PVT1: variants seen among roughly 807,000 people sequenced by gnomAD.
PVT1 encodes CXCR4/PVT1 fusion.
intron 3 of PVT1, among the ~76,000 whole-genome samples, chr8:127,988,557 T>C (rs1452226590): frequency 6.6e-6 from 1 of 152,210 alleles, no homozygotes; most frequent in Non-Finnish European, 1.5e-5. Context: ...ATCTTGATGA[T>C]CAGTTAAGAT....
In PVT1 at chr8:128,005,250, TTTG is replaced by T. The variant is rs142494764; in HGVS notation, n.912+15962_912+15964del. Among the ~76,000 whole-genome samples, 380 of 152,336 alleles carry T rather than the reference TTTG, an allele frequency of 2.5e-3. 1 individual carries two copies. Among genetic ancestry groups the T allele is most frequent in the African/African-American group, 9.0e-3 (374 of 41,570 alleles). ...TCTTAGACCAAGCTTGTGAGATTTTTTTGTTATTTGTTTTTGAAGCTCATCAGC... is the reference window on the plus strand; with the variant it reads ...TCTTAGACCAAGCTTGTGAGATTTTTTTATTTGTTTTTGAAGCTCATCAGC... On this transcript the variant is annotated intron_variant and non_coding_transcript_variant, in intron 4 of 10. Transcript: ENST00000651587.
chr8:128,059,814 C>T (rs926176020), intron 4 of PVT1, among the ~76,000 whole-genome samples: 3 of 152,164 alleles, frequency 2.0e-5, no homozygotes, highest in African/African-American at 4.8e-5. Flanking sequence ...CTACCTGAAG[C>T]CACATGCAGC....
At chr8:128,022,884 T>A (rs1032614859) in intron 4 of PVT1, among the ~76,000 whole-genome samples, 2 of 144,482 alleles carry the variant, frequency 1.4e-5, no homozygotes, top group Admixed American at 1.3e-4. Context: ...TTTTTTTTTT[T>A]AAGACAGAGT....
chr8:127,895,715 T>A (rs4733804), intron 3 of PVT1, among the ~76,000 whole-genome samples: 1 of 152,034 alleles, frequency 6.6e-6, no homozygotes, highest in South Asian at 2.1e-4. Flanking sequence ...TACGTTTAGC[T>A]CTGAGCTTCC....
chr8:128,051,049 C>T (rs981360245), intron 4 of PVT1, among the ~76,000 whole-genome samples: 27 of 152,202 alleles, frequency 1.8e-4, no homozygotes, highest in African/African-American at 6.3e-4. Context: ...AGCTTGAGCA[C>T]TGGAACCATT....
intron 3 of PVT1, among the ~76,000 whole-genome samples, chr8:127,911,759 T>C (rs1815901187): frequency 6.6e-6 from 1 of 152,236 alleles, no homozygotes; most frequent in Non-Finnish European, 1.5e-5. Context: ...ATTTGCTTCT[T>C]GGAGTGCTGT....
At chr8:127,869,435 T>C (rs10956392) in intron 2 of PVT1, among the ~76,000 whole-genome samples, 58,114 of 152,080 alleles carry the variant, frequency 0.38, 14,019 homozygotes, top group African/African-American at 0.68. Context: ...TTGGCCTATT[T>C]TTTATTATTA....
intron 4 of PVT1, among the ~76,000 whole-genome samples, chr8:127,997,044 G>GGTTTTTTTTTTTTTT (rs1554603119): frequency 1.2e-5 from 1 of 81,594 alleles, no homozygotes; most frequent in Non-Finnish European, 2.2e-5. Context: ...ATTTGCTTTC[G>GGTTTTTTTTTTTTTT]TTTTTTTTTT....
At position 128,079,000 on chromosome 8, in the gene PVT1, TTTTC is replaced by T. The variant is rs869178212; in HGVS notation, n.1114+8643_1114+8646del. Among the ~76,000 whole-genome samples, 3 of 141,114 alleles carry T rather than the reference TTTTC, an allele frequency of 2.1e-5. No individual in the cohort carries two copies. In the East Asian group the frequency reaches 6.9e-4, roughly 32 times the overall value. 92.6% of individuals were successfully genotyped at this position (141,114 alleles called of 152,430 possible). A position where few individuals can be genotyped will look rare whatever the true frequency, so the allele number is the denominator to read the frequency against. Reference sequence around the variant, plus strand: ...TTTGTTTTTGGGTTTTTTCCTTTTCTTTTCTTTTTTTTTTTTTTTTTACATAGTT... The same window carrying T: ...TTTGTTTTTGGGTTTTTTCCTTTTCTTTTTTTTTTTTTTTTTTACATAGTT... On this transcript the variant is annotated intron_variant and non_coding_transcript_variant, in intron 5 of 10. Transcript: ENST00000651587.
chr8:128,024,029 A>G (rs1168575957), intron 4 of PVT1, among the ~76,000 whole-genome samples: 1 of 152,222 alleles, frequency 6.6e-6, no homozygotes, highest in Non-Finnish European at 1.5e-5. Flanking sequence ...AGATGATCAG[A>G]GAGCACACAG....
chr8:127,944,081 T>C (rs959433551), intron 3 of PVT1, among the ~76,000 whole-genome samples: 4 of 152,182 alleles, frequency 2.6e-5, no homozygotes, highest in Non-Finnish European at 5.9e-5. Flanking sequence ...TTTTGGGCCC[T>C]TGTTCAAGGT....
At chr8:127,892,555 G>T (rs1815624733) in intron 3 of PVT1, among the ~76,000 whole-genome samples, 1 of 152,166 alleles carries the variant, frequency 6.6e-6, no homozygotes, top group Non-Finnish European at 1.5e-5. Flanking sequence ...GCGCCTGGAG[G>T]CTCTGAGGGG....
At chr8:127,908,318 CTTTTCTTTTT>C (rs920287680) in intron 3 of PVT1, among the ~76,000 whole-genome samples, 7 of 149,548 alleles carry the variant, frequency 4.7e-5, no homozygotes, top group African/African-American at 1.7e-4. Flanking sequence ...TCTTCAGTTT[CTTTTCTTTTT>C]TTTTCTTTTT....
At chr8:128,059,942 A>G (rs1362611825) in intron 4 of PVT1, among the ~76,000 whole-genome samples, 1 of 152,148 alleles carries the variant, frequency 6.6e-6, no homozygotes, top group East Asian at 1.9e-4. Flanking sequence ...AAAGAAAGTC[A>G]TGCACTAATG....
chr8:127,806,084 C>T (rs1814523584), intron 2 of PVT1, among the ~76,000 whole-genome samples: 1 of 152,084 alleles, frequency 6.6e-6, no homozygotes, highest in African/African-American at 2.4e-5. Flanking sequence ...AGAATGTATG[C>T]AGAATTCCCA....
chr8:128,017,520 C>T (rs775408834), intron 4 of PVT1, among the ~76,000 whole-genome samples: 39 of 152,052 alleles, frequency 2.6e-4, no homozygotes, highest in Non-Finnish European at 4.3e-4. Context: ...CAGCCTCAAC[C>T]TCCTAGGTTC....
intron 5 of PVT1, among the ~76,000 whole-genome samples, chr8:128,087,871 G>A (rs1814279398): frequency 6.8e-6 from 1 of 147,160 alleles, no homozygotes; most frequent in Non-Finnish European, 1.5e-5. Flanking sequence ...GCATTCTCCT[G>A]CCTCAGCTTC....
intron 4 of PVT1, among the ~76,000 whole-genome samples, chr8:128,052,670 C>A (rs1813712745): frequency 6.6e-6 from 1 of 152,210 alleles, no homozygotes; most frequent in South Asian, 2.1e-4. Context: ...TATTCCTTCA[C>A]TAGATTGGGA....
At chr8:128,078,085 A>T (rs1337412267) in intron 5 of PVT1, among the ~76,000 whole-genome samples, 1 of 152,188 alleles carries the variant, frequency 6.6e-6, no homozygotes, top group Non-Finnish European at 1.5e-5. Context: ...GCTTCAGTTT[A>T]TGCCTGTGGT....
Sources: gnomAD v4.1 joint callset for allele counts (sites outside exome capture counted in the v4.1 genomes callset) on GRCh38, gnomAD v4.1.1 for gene constraint, MANE v1.5 for transcripts, NCBI Gene and HGNC (gene_info 2026-07-23, HGNC 2026-07-21) for gene names.